The following BICD1 variants were observed in gnomAD, a reference collection of about 807,000 sequenced individuals.
BICD1 encodes the protein protein bicaudal D homolog 1.
BICD1 carries 35 observed loss-of-function variants against 92.5 expected under a neutral mutation model. The ratio of observed to expected loss-of-function variants is 0.38; its 90% CI spans 0.29 to 0.50. The LOEUF is 0.50. BICD1 is among the 20% of genes least tolerant of loss of function. The pLI, the probability that BICD1 is intolerant of heterozygous loss-of-function variation, is 0.93. For synonymous variants in BICD1, 429 were observed against 465.1 expected (o/e 0.92, Z 1.00); for missense variants, 950 against 1,189.8 (o/e 0.80, Z 2.97).
intron 6 of BICD1, 78 bp downstream of exon 6, chr12:32,334,745 A>G (rs1938030390): frequency 2.0e-6 from 3 of 1,485,424 alleles, no homozygotes; most frequent in African/African-American, 1.4e-5. Context: ...GCCTTTGTGC[A>G]TGTTGAGTGT....
chr12:32,122,278 A>G (rs759277771), intron 1 of BICD1, among the ~76,000 whole-genome samples: 2 of 151,830 alleles, frequency 1.3e-5, no homozygotes, highest in Non-Finnish European at 2.9e-5. Flanking sequence ...CCATCCTAAC[A>G]CAGATCGAGA....
At chr12:32,222,154 A>G (rs1945551565) in intron 2 of BICD1, among the ~76,000 whole-genome samples, 1 of 152,240 alleles carries the variant, frequency 6.6e-6, no homozygotes, top group Admixed American at 6.5e-5. Context: ...TACAAAGTAT[A>G]CAAAGCAATT....
chr12:32,367,509 T>C, intron 8 of BICD1, 161 bp from the exon 9 acceptor site: 1 of 569,566 alleles, frequency 1.8e-6, no homozygotes, highest in South Asian at 2.8e-5. Context: ...GTCTTTTCTA[T>C]TGGCATCATT....
rs1179747608 is a variant in BICD1, at chr12:32,374,734, A to ATTTTT, written c.2841-2786_2841-2782dup. ...AGGCATGTGCCACCACGCCCGGCTA[A>ATTTTT]TTTTTTTTTTTTTTTTTTTTTTTTG... On this transcript the variant is annotated intron_variant, in intron 9 of 9. Transcript: ENST00000652176. Among the ~76,000 whole-genome samples the ATTTTT allele has an allele frequency of 1.1e-3, 91 of 80,070 alleles. 1 individual carries two copies. The highest frequency in any genetic ancestry group is 4.1e-3 in the African/African-American group (74 of 18,260). 52.5% of individuals were successfully genotyped at this position (80,070 alleles called of 152,430 possible).
chr12:32,245,477 C>T (rs1946356283), intron 2 of BICD1, among the ~76,000 whole-genome samples: 1 of 152,090 alleles, frequency 6.6e-6, no homozygotes, highest in Non-Finnish European at 1.5e-5. Context: ...CTAAAGCAAA[C>T]AGTGTATTGA....
At position 32,252,087 on chromosome 12, in the gene BICD1, A is replaced by AT. The variant is rs1565619385; in HGVS notation, c.426+35628_426+35629insT. ...TATATATTTATAATATATATTTATA[A>AT]ATATATATTTATAATAAATATTATA... On this transcript the variant is annotated intron_variant, in intron 2 of 9. Transcript: ENST00000652176. Among the ~76,000 whole-genome samples the AT allele has an allele frequency of 2.8e-3, 68 of 24,458 alleles. 2 individuals carry two copies. Among genetic ancestry groups the AT allele is most frequent in the African/African-American group, 0.02 (67 of 3,380 alleles). The allele number at this position is 24,458 out of a possible 152,430, so 16.0% of individuals were successfully genotyped here.
At chr12:32,227,069 C>T (rs1415674838) in intron 2 of BICD1, among the ~76,000 whole-genome samples, 2 of 152,168 alleles carry the variant, frequency 1.3e-5, no homozygotes, top group Non-Finnish European at 2.9e-5. Context: ...GCTGGATGGA[C>T]TGTGAAGGAG....
intron 1 of BICD1, among the ~76,000 whole-genome samples, chr12:32,125,477 A>G (rs1356676975): frequency 6.6e-6 from 1 of 152,190 alleles, no homozygotes; most frequent in African/African-American, 2.4e-5. Context: ...TTAGGAGCTC[A>G]GATTTACACT....
intron 8 of BICD1, chr12:32,353,151 G>T (rs972845395): frequency 6.6e-6 from 1 of 152,130 alleles, no homozygotes; most frequent in Non-Finnish European, 1.5e-5. Context: ...TAGTAGATTT[G>T]TTCCTGAGTA....
chr12:32,368,470 G>A (rs1468895789), intron 9 of BICD1, among the ~76,000 whole-genome samples: 2 of 152,130 alleles, frequency 1.3e-5, no homozygotes, highest in Non-Finnish European at 2.9e-5. Flanking sequence ...CGAGGCAGAG[G>A]GATTACCTGA....
chr12:32,282,202 C>CTTT lies in BICD1; in HGVS notation c.427-11758_427-11756dup, dbSNP rs56217529. 2.9e-3 allele frequency among the ~76,000 whole-genome samples: 275 copies of CTTT among 94,232 alleles called. 38 individuals carry two copies. The highest frequency in any genetic ancestry group is 5.9e-3 in the Middle Eastern group (1 of 170). The allele number at this position is 94,232 out of a possible 152,430, so 61.8% of individuals were successfully genotyped here. ...GCAAGACCCAGCTTCAGGTCTTCTT[C>CTTT]TTTTTTTTTTTTTTTTTTTTTTTTT... On this transcript the variant is annotated intron_variant, in intron 2 of 9. Transcript: ENST00000652176.
At chr12:32,162,277 G>A (rs1943621635) in intron 1 of BICD1, among the ~76,000 whole-genome samples, 1 of 152,242 alleles carries the variant, frequency 6.6e-6, no homozygotes, top group Non-Finnish European at 1.5e-5. Flanking sequence ...ACAGAAAGAA[G>A]TTGGAATGGA....
At chr12:32,346,659 C>T (rs866927225) in intron 8 of BICD1, among the ~76,000 whole-genome samples, 7 of 88,292 alleles carry the variant, frequency 7.9e-5, no homozygotes, top group South Asian at 3.9e-4. Context: ...TATATATATA[C>T]ACACACACAC....
chr12:32,118,371 G>A (rs867952766), intron 1 of BICD1, among the ~76,000 whole-genome samples: 2 of 152,004 alleles, frequency 1.3e-5, no homozygotes, highest in Non-Finnish European at 2.9e-5. Flanking sequence ...GTGAGCCACC[G>A]AGCCTGGCCT....
intron 1 of BICD1, among the ~76,000 whole-genome samples, chr12:32,151,693 C>T (rs6488035): frequency 0.14 from 21,637 of 152,126 alleles, 1,621 homozygotes; most frequent in East Asian, 0.28. Context: ...GTGGTGATAA[C>T]AGGGACAGCA....
chr12:32,249,786 T>G (rs1946481472), intron 2 of BICD1, among the ~76,000 whole-genome samples: 1 of 151,982 alleles, frequency 6.6e-6, no homozygotes, highest in South Asian at 2.1e-4. Flanking sequence ...TTTGTACAAG[T>G]GTCTTCCAAT....
At chr12:32,289,201 C>T (rs561224145) in intron 2 of BICD1, among the ~76,000 whole-genome samples, 19 of 152,326 alleles carry the variant, frequency 1.2e-4, no homozygotes, top group African/African-American at 4.6e-4. Context: ...GCTTCTGAAA[C>T]TTGCAAAGGG....
intron 1 of BICD1, among the ~76,000 whole-genome samples, chr12:32,206,069 T>C (rs556027542): frequency 6.6e-6 from 1 of 152,320 alleles, no homozygotes; most frequent in South Asian, 2.1e-4. Context: ...TAGTATTCCA[T>C]TGTATGGATA....
intron 1 of BICD1, among the ~76,000 whole-genome samples, chr12:32,211,994 T>G (rs1291887060): frequency 6.6e-6 from 1 of 152,226 alleles, no homozygotes; most frequent in Non-Finnish European, 1.5e-5. Flanking sequence ...TGAGTACCTG[T>G]GCTTATCACC....
Sources: allele counts gnomAD v4.1 joint callset (sites outside exome capture counted in the v4.1 genomes callset), GRCh38; gene constraint gnomAD v4.1.1; transcripts MANE v1.5; gene names NCBI Gene and HGNC (gene_info 2026-07-23, HGNC 2026-07-21).